Variants in PHTF2 observed in about 807,000 individuals in gnomAD.
The protein encoded by PHTF2 is protein PHTF2.
A neutral mutation model predicts 101.2 loss-of-function variants in PHTF2; 60 were observed. The ratio of observed to expected loss-of-function variants is 0.59; its 90% CI spans 0.48 to 0.73. The LOEUF (loss-of-function observed/expected upper bound fraction) is 0.73, where lower values mean the gene tolerates loss of function less well. Among genes scored for constraint, PHTF2 ranks in the 30% least tolerant of loss-of-function variants. The probability of loss-of-function intolerance (pLI) is 0.00; values close to 1 mark genes in which losing one functional copy is unlikely to be tolerated. For missense variants in PHTF2, 747 were observed against 908.7 expected (o/e 0.82, Z 2.29); for synonymous variants, 311 against 307.3 (o/e 1.01, Z -0.13).
At chr7:77,947,391 A>C (rs565955789) in intron 16 of PHTF2, among the ~76,000 whole-genome samples, 1 of 151,656 alleles carries the variant, frequency 6.6e-6, no homozygotes, top group Non-Finnish European at 1.5e-5. Context: ...GCAAAACCCT[A>C]TCTCTACTGA....
chr7:77,942,817 C>A (rs1238928487), intron 16 of PHTF2, 31 bp downstream of exon 15: 2 of 977,872 alleles, frequency 2.0e-6, no homozygotes, highest in Non-Finnish European at 3.1e-6. Context: ...TAGAAATTAA[C>A]CAGATATATA....
intron 9 of PHTF2, among the ~76,000 whole-genome samples, chr7:77,911,472 A>G (rs1802393345): frequency 6.6e-6 from 1 of 152,200 alleles, no homozygotes; most frequent in Non-Finnish European, 1.5e-5. Flanking sequence ...TACCTATAAT[A>G]AATGTGAAAA....
chr7:77,820,522 G>C (rs1229307838), intron 1 of PHTF2, among the ~76,000 whole-genome samples: 2 of 151,758 alleles, frequency 1.3e-5, no homozygotes, highest in Non-Finnish European at 2.9e-5. Flanking sequence ...CAGCTAATGT[G>C]TGTGTGTGCG....
chr7:77,878,394 C>T (rs1799124485), intron 3 of PHTF2, among the ~76,000 whole-genome samples: 1 of 151,622 alleles, frequency 6.6e-6, no homozygotes, highest in Non-Finnish European at 1.5e-5. Flanking sequence ...AATGCAGGGT[C>T]CGAAAAATAC....
At chr7:77,883,694 C>T (rs893712341) in intron 3 of PHTF2, among the ~76,000 whole-genome samples, 1 of 152,150 alleles carries the variant, frequency 6.6e-6, no homozygotes, top group Non-Finnish European at 1.5e-5. Context: ...AGACTTTTAT[C>T]TGCACACCCG....
chr7:77,869,718 CAT>C (rs1470740764), intron 3 of PHTF2, among the ~76,000 whole-genome samples: 2 of 152,116 alleles, frequency 1.3e-5, no homozygotes, highest in Non-Finnish European at 1.5e-5. Flanking sequence ...ATCTCACCAG[CAT>C]ATGTTATTTT....
intron 2 of PHTF2, among the ~76,000 whole-genome samples, chr7:77,841,247 T>A (rs776343551): frequency 1.1e-4 from 16 of 151,590 alleles, no homozygotes; most frequent in Non-Finnish European, 1.9e-4. Context: ...GCCTGGCTAA[T>A]TTTTGTATAT....
Position 77,897,014 on chromosome 7 carries a change from A to T in PHTF2, c.216+3021A>T, listed in dbSNP as rs545531151. ...TTCCATAACCATTTTAGAAATTATA[A>T]CTAAAAACTTTGATTTTTTCTGATT... On this transcript the variant is annotated intron_variant, in intron 5 of 19. Coordinates refer to ENST00000416283, the Ensembl canonical transcript of PHTF2. Among the ~76,000 whole-genome samples the T allele has an allele frequency of 4.6e-5, 7 of 152,330 alleles. No homozygotes were observed. In the South Asian group the frequency reaches 1.5e-3, roughly 32 times the overall value.
intron 2 of PHTF2, among the ~76,000 whole-genome samples, chr7:77,840,556 A>G (rs889514661): frequency 3.9e-5 from 6 of 152,202 alleles, no homozygotes; most frequent in African/African-American, 1.2e-4. Flanking sequence ...TAAAATTAGC[A>G]TTTTATAAAA....
intron 15 of PHTF2, 140 bp downstream of exon 14, chr7:77,940,799 C>G: frequency 1.8e-6 from 1 of 555,196 alleles, no homozygotes; most frequent in Non-Finnish European, 3.0e-6. Context: ...GATTTTGTTT[C>G]TACTAGCCTG....
chr7:77,841,075 CTT>C (rs57283892), intron 2 of PHTF2, among the ~76,000 whole-genome samples: 29 of 77,260 alleles, frequency 3.8e-4, no homozygotes, highest in Middle Eastern at 0.023. Context: ...AAAAAACAGA[CTT>C]TTTTTTTTTT....
chr7:77,878,531 G>A (rs577594184), intron 3 of PHTF2, among the ~76,000 whole-genome samples: 32 of 152,274 alleles, frequency 2.1e-4, no homozygotes, highest in African/African-American at 7.5e-4. Flanking sequence ...ATAATTTCTA[G>A]TCTCATGGCT....
intron 3 of PHTF2, among the ~76,000 whole-genome samples, chr7:77,886,056 G>A (rs912149851): frequency 6.6e-6 from 1 of 152,090 alleles, no homozygotes; most frequent in Non-Finnish European, 1.5e-5. Flanking sequence ...TTGCAAATCT[G>A]GGTCTCTTTT....
chr7:77,915,971 T>TTG (rs1326436924), intron 9 of PHTF2, among the ~76,000 whole-genome samples: 1 of 119,360 alleles, frequency 8.4e-6, no homozygotes, highest in African/African-American at 2.8e-5. Context: ...GAAGGTAGAT[T>TTG]TGTGTGTCTG....
At chr7:77,914,627 G>A (rs1802733079) in intron 9 of PHTF2, among the ~76,000 whole-genome samples, 1 of 152,044 alleles carries the variant, frequency 6.6e-6, no homozygotes, top group South Asian at 2.1e-4. Context: ...TTTTTTCTCA[G>A]AGAATCATGG....
Position 77,825,135 on chromosome 7 carries a change from G to A in PHTF2, c.-35-15086G>A, listed in dbSNP as rs149957799. Among the ~76,000 whole-genome samples, 1,506 of 152,256 alleles carry A rather than the reference G, an allele frequency of 9.9e-3. 11 individuals carry two copies. The highest frequency in any genetic ancestry group is 0.037 in the Middle Eastern group (11 of 294). ...CTTCACTAAAACCAAATTAAGGAAA[G>A]AGTAGATGGTGGGTTGAAGAAAGAG... On this transcript the variant is annotated intron_variant, in intron 1 of 19. Transcript: ENST00000416283.
chr7:77,861,501 T>C (rs987495906), intron 3 of PHTF2, among the ~76,000 whole-genome samples: 7 of 152,204 alleles, frequency 4.6e-5, no homozygotes, highest in African/African-American at 1.7e-4. Flanking sequence ...TTTTCTAATA[T>C]TTTCCTGATT....
chr7:77,892,490 A>G (rs1800525495), intron 3 of PHTF2, among the ~76,000 whole-genome samples: 1 of 152,072 alleles, frequency 6.6e-6, no homozygotes, highest in Non-Finnish European at 1.5e-5. Context: ...TTCCTCCTGT[A>G]TTTTCTTATA....
chr7:77,842,584 A>G (rs1795976482), intron 2 of PHTF2, among the ~76,000 whole-genome samples: 1 of 152,222 alleles, frequency 6.6e-6, no homozygotes, highest in African/African-American at 2.4e-5. Context: ...AATACTATCC[A>G]TCCCTATCCT....
Sources: allele counts gnomAD v4.1 joint callset (sites outside exome capture counted in the v4.1 genomes callset), GRCh38; gene constraint gnomAD v4.1.1; transcripts MANE v1.5; gene names NCBI Gene and HGNC (gene_info 2026-07-23, HGNC 2026-07-21).